The following DNAH7 variants were observed in gnomAD, a reference collection of about 807,000 sequenced individuals.
DNAH7 encodes axonemal beta dynein heavy chain 7.
In DNAH7, 397 loss-of-function variants were observed where a neutral mutation model predicts 444.6. The observed-to-expected ratio is 0.89, with a 90% CI of 0.82 to 0.97. The LOEUF is 0.97. Ranked by LOEUF, DNAH7 falls within the 50% of genes least tolerant of loss-of-function variation. The pLI, the probability that DNAH7 is intolerant of heterozygous loss-of-function variation, is 0.00. For synonymous variants in DNAH7, 1,636 were observed against 1,624.4 expected (o/e 1.01, Z -0.17); for missense variants, 4,902 against 4,800.8 (o/e 1.02, Z -0.62).
intron 35 of DNAH7, among the ~76,000 whole-genome samples, chr2:195,882,627 T>A (rs914167554): frequency 2.6e-5 from 4 of 152,234 alleles, no homozygotes; most frequent in African/African-American, 9.6e-5. Context: ...TATCTTTGCA[T>A]CCAATTAGCT....
chr2:195,753,900 T>C (rs912913211), intron 63 of DNAH7, among the ~76,000 whole-genome samples: 1 of 152,204 alleles, frequency 6.6e-6, no homozygotes, highest in Admixed American at 6.5e-5. Context: ...TATGAAGGTA[T>C]ATGCTTCAAG....
At chr2:195,840,410 T>TA (rs1489873933) in intron 47 of DNAH7, among the ~76,000 whole-genome samples, 1 of 151,606 alleles carries the variant, frequency 6.6e-6, no homozygotes, top group African/African-American at 2.4e-5. Flanking sequence ...CATGTGATAG[T>TA]AAAAAACTGA....
At chr2:195,920,156 T>C (rs1413259277) in intron 24 of DNAH7, among the ~76,000 whole-genome samples, 1 of 151,954 alleles carries the variant, frequency 6.6e-6, no homozygotes, top group Non-Finnish European at 1.5e-5. Context: ...ACAGATTCAA[T>C]ACAATTCCCA....
chr2:196,047,538 T>C, intron 4 of DNAH7, 39 bp from the exon 5 acceptor site: 2 of 1,492,116 alleles, frequency 1.3e-6, no homozygotes, highest in Non-Finnish European at 1.8e-6. Context: ...ATTATTCATC[T>C]AAAAGGTAAG....
chr2:195,770,912 A>T (rs1438067635), intron 61 of DNAH7, among the ~76,000 whole-genome samples: 1 of 150,356 alleles, frequency 6.7e-6, no homozygotes, highest in African/African-American at 2.5e-5. Context: ...CTGTGTTGCC[A>T]AGGAAGTTCT....
Position 195,890,216 on chromosome 2 carries a change from C to A in DNAH7, c.5047-1235G>T, listed in dbSNP as rs1574679208. Among the ~76,000 whole-genome samples the A allele has an allele frequency of 1.3e-5, 2 of 152,350 alleles. 1 individual carries two copies. Among genetic ancestry groups the A allele is most frequent in the South Asian group, 4.1e-4 (2 of 4,826 alleles). ...CCACACCCACACTCAGAGGCCACTT[C>A]TAGCTGTGTTCAGGAAGCAAGGAAG... On this transcript the variant is annotated intron_variant, in intron 31 of 64. Coordinates refer to ENST00000312428, the MANE Select transcript of DNAH7 (RefSeq NM_018897.3).
chr2:195,834,881 A>C (rs1698260387), intron 47 of DNAH7, among the ~76,000 whole-genome samples: 1 of 152,232 alleles, frequency 6.6e-6, no homozygotes, highest in Non-Finnish European at 1.5e-5. Context: ...TAAAAAGCAT[A>C]ATTTTATATC....
Position 195,873,812 on chromosome 2 carries a change from T to C in DNAH7, c.6287-118A>G, listed in dbSNP as rs1574632118. The C allele has an allele frequency of 1.0e-5, 7 of 686,132 alleles. 1 individual carries two copies. In the East Asian group the frequency reaches 2.4e-4, roughly 24 times the overall value. 42.5% of individuals were successfully genotyped at this position (686,132 alleles called of 1,614,324 possible). A position where few individuals can be genotyped will look rare whatever the true frequency, so the allele number is the denominator to read the frequency against. The stretch of plus-strand genomic sequence containing the variant: ...TGGACAAATTCACGGCACATGAAGT[T>C]AAGAGTAATCAATTGTTTGGATAAC... On this transcript the variant is annotated intron_variant, in intron 38 of 64. Transcript: ENST00000312428.
chr2:196,064,747 C>T (rs1698329389), intron 1 of DNAH7, among the ~76,000 whole-genome samples: 1 of 152,132 alleles, frequency 6.6e-6, no homozygotes, highest in Admixed American at 6.5e-5. Context: ...TGAAATGTAT[C>T]CCCATTAATA....
chr2:195,967,894 G>A (rs1691588429), intron 17 of DNAH7, among the ~76,000 whole-genome samples: 2 of 151,748 alleles, frequency 1.3e-5, no homozygotes, highest in Non-Finnish European at 3.0e-5. Flanking sequence ...CAGGTTTGGT[G>A]TTCTATTCTA....
At chr2:196,049,416 G>A (rs1697333506) in intron 3 of DNAH7, among the ~76,000 whole-genome samples, 1 of 152,158 alleles carries the variant, frequency 6.6e-6, no homozygotes, top group South Asian at 2.1e-4. Flanking sequence ...TACAGAAAGG[G>A]TGAGAATCAG....
intron 17 of DNAH7, among the ~76,000 whole-genome samples, chr2:195,964,710 C>A (rs1000923100): frequency 5.1e-3 from 645 of 126,814 alleles, no homozygotes; most frequent in Middle Eastern, 7.9e-3. Flanking sequence ...ACTAAAAATA[C>A]AAAAAAAAAA....
At chr2:196,008,824 G>A (rs918183487) in intron 10 of DNAH7, among the ~76,000 whole-genome samples, 1 of 152,296 alleles carries the variant, frequency 6.6e-6, no homozygotes, top group South Asian at 2.1e-4. Context: ...TTTCTAGGGC[G>A]TATTAAGCCA....
chr2:195,943,080 T>A (rs968495077), intron 19 of DNAH7, among the ~76,000 whole-genome samples: 2 of 152,146 alleles, frequency 1.3e-5, no homozygotes, highest in Admixed American at 1.3e-4. Flanking sequence ...GCACATGCTC[T>A]CTTGCTTGCC....
chr2:195,796,459 C>A, intron 56 of DNAH7, 117 bp downstream of exon 56: 1 of 1,229,764 alleles, frequency 8.1e-7, no homozygotes, highest in South Asian at 1.6e-5. Flanking sequence ...GCAATCCAGC[C>A]AAAGCACTAA....
chr2:195,764,729 T>C lies in DNAH7; in HGVS notation c.11433+6931A>G, dbSNP rs1694496146. ...ACTATAAAACACTGGTGAAAGAAAT[T>C]GAAGAAGACACAGTAAAATGGAAAG... On this transcript the variant is annotated intron_variant, in intron 61 of 64. Transcript: ENST00000312428. Among the ~76,000 whole-genome samples, 2 of 151,994 alleles carry C rather than the reference T, an allele frequency of 1.3e-5. 1 individual carries two copies. Among genetic ancestry groups the C allele is most frequent in the South Asian group, 4.2e-4 (2 of 4,818 alleles).
At chr2:195,786,913 G>T in intron 58 of DNAH7, 97 bp downstream of exon 58, 1 of 1,262,686 alleles carries the variant, frequency 7.9e-7, no homozygotes. Flanking sequence ...CATTTCATAA[G>T]AGTAGAAATT....
chr2:195,976,777 GA>G (rs1469586211), intron 15 of DNAH7, among the ~76,000 whole-genome samples: 54 of 151,328 alleles, frequency 3.6e-4, no homozygotes, highest in African/African-American at 1.3e-3. Flanking sequence ...GAGAGAGAGA[GA>G]GAGAGAGAGA....
In DNAH7 at chr2:195,738,136, AAGT is replaced by A; in HGVS notation, c.11869-12_11869-10del. 1 of 1,611,658 alleles carries A rather than the reference AAGT, an allele frequency of 6.2e-7. No individual in the cohort carries two copies. Among genetic ancestry groups the A allele is most frequent in the Non-Finnish European group, 8.5e-7 (1 of 1,177,964 alleles). ...CAGGGCTTTAGCCACATCTGGAAGA[AAGT>A]ACATAACACCTCTTTAAGTCAAGGC... On this transcript the variant is annotated splice_polypyrimidine_tract_variant and intron_variant, in intron 64 of 64. Coordinates refer to ENST00000312428, the MANE Select transcript of DNAH7 (RefSeq NM_018897.3).
Sources: gnomAD v4.1 joint callset for allele counts (sites outside exome capture counted in the v4.1 genomes callset) on GRCh38, gnomAD v4.1.1 for gene constraint, MANE v1.5 for transcripts, NCBI Gene and HGNC (gene_info 2026-07-23, HGNC 2026-07-21) for gene names.